Variants in PRR5L observed in about 807,000 individuals in gnomAD.
PRR5L encodes the protein proline-rich protein 5-like.
Under a neutral mutation model 36.4 loss-of-function variants are expected in PRR5L, and 21 were observed. The observed-to-expected ratio is 0.58, with a 90% CI of 0.41 to 0.83. PRR5L has a LOEUF of 0.83. PRR5L is among the 40% of genes least tolerant of loss of function. PRR5L has a pLI of 0.00. For synonymous variants in PRR5L, 188 were observed against 197.0 expected (o/e 0.95, Z 0.38); for missense variants, 381 against 473.3 (o/e 0.80, Z 1.81).
chr11:36,355,195 A>ACAG (rs1320053926), intron 1 of PRR5L, among the ~76,000 whole-genome samples: 1 of 152,236 alleles, frequency 6.6e-6, no homozygotes, highest in Non-Finnish European at 1.5e-5. Flanking sequence ...GATGTCCAAG[A>ACAG]CAGCAATGTT....
In PRR5L at chr11:36,446,292, C is replaced by A; in HGVS notation, c.445-8C>A. The A allele has an allele frequency of 6.2e-7, 1 of 1,613,124 alleles. No individual in the cohort carries two copies. The highest frequency in any genetic ancestry group is 1.3e-5 in the African/African-American group (1 of 75,044). ...ACCTCCCGGCCCTCTCTCCTCTGTC[C>A]CCTCTAGGGCCAGGAGCTGACTATC... On this transcript the variant is annotated splice_polypyrimidine_tract_variant and splice_region_variant and intron_variant, in intron 6 of 8. Transcript: ENST00000530639.
intron 4 of PRR5L, among the ~76,000 whole-genome samples, chr11:36,422,202 C>T (rs895598118): frequency 2.0e-5 from 3 of 152,168 alleles, no homozygotes; most frequent in Non-Finnish European, 2.9e-5. Flanking sequence ...ATTCACTTTA[C>T]AGAAGAAATC....
intron 8 of PRR5L, 148 bp from the exon 9 acceptor site, chr11:36,462,194 G>C (rs775258438): frequency 2.1e-4 from 145 of 696,150 alleles, no homozygotes; most frequent in Non-Finnish European, 1.2e-4. Flanking sequence ...GGTATCACCA[G>C]ATTCCTCCCT....
intron 1 of PRR5L, among the ~76,000 whole-genome samples, chr11:36,338,734 C>G (rs1308525918): frequency 6.6e-6 from 1 of 152,072 alleles, no homozygotes; most frequent in Non-Finnish European, 1.5e-5. Flanking sequence ...CCTATGAAAT[C>G]TGGTTTTTTT....
chr11:36,423,028 T>G (rs748759290), intron 4 of PRR5L, among the ~76,000 whole-genome samples: 43 of 152,252 alleles, frequency 2.8e-4, no homozygotes, highest in Non-Finnish European at 4.7e-4. Context: ...TCTGCTATTC[T>G]GTATCTACTG....
intron 4 of PRR5L, among the ~76,000 whole-genome samples, chr11:36,427,808 T>A (rs1429093240): frequency 1.3e-5 from 2 of 152,202 alleles, no homozygotes; most frequent in Non-Finnish European, 2.9e-5. Context: ...CCACCTCTAA[T>A]GTCAACACTG....
At chr11:36,420,333 G>A (rs1007327343) in intron 4 of PRR5L, among the ~76,000 whole-genome samples, 2 of 152,178 alleles carry the variant, frequency 1.3e-5, no homozygotes, top group Non-Finnish European at 2.9e-5. Flanking sequence ...TGTGTAGGGG[G>A]GCAGTATAGG....
intron 1 of PRR5L, among the ~76,000 whole-genome samples, chr11:36,399,704 A>T (rs768858712): frequency 1.4e-4 from 21 of 152,216 alleles, no homozygotes; most frequent in South Asian, 2.1e-4. Flanking sequence ...TGACTATGAG[A>T]TTCGTGGTGT....
At chr11:36,373,863 C>T (rs999977372) in intron 1 of PRR5L, among the ~76,000 whole-genome samples, 5 of 152,180 alleles carry the variant, frequency 3.3e-5, no homozygotes, top group African/African-American at 4.8e-5. Flanking sequence ...GTACAGCATA[C>T]GCTAAATAAG....
At chr11:36,368,004 G>A (rs1298560177) in intron 1 of PRR5L, among the ~76,000 whole-genome samples, 1 of 151,976 alleles carries the variant, frequency 6.6e-6, no homozygotes, top group East Asian at 1.9e-4. Context: ...GTGAAAGATG[G>A]GAGGTGGTGT....
At chr11:36,315,136 A>C (rs1017028562) in intron 1 of PRR5L, among the ~76,000 whole-genome samples, 3 of 152,218 alleles carry the variant, frequency 2.0e-5, no homozygotes, top group African/African-American at 7.2e-5. Context: ...GGCACTAGGA[A>C]CTTTTGCAAG....
At chr11:36,302,629 T>C (rs145598226) in intron 1 of PRR5L, among the ~76,000 whole-genome samples, 2 of 151,874 alleles carry the variant, frequency 1.3e-5, no homozygotes, top group African/African-American at 4.8e-5. Flanking sequence ...CTACTAAACA[T>C]ACAAAAAATT....
chr11:36,321,568 C>T (rs1411500742), intron 1 of PRR5L: 2 of 152,226 alleles, frequency 1.3e-5, no homozygotes, highest in African/African-American at 4.8e-5. Context: ...TGGCAGTGCC[C>T]ATACAGCATG....
At chr11:36,442,981 G>T (rs1022743074) in intron 6 of PRR5L, among the ~76,000 whole-genome samples, 1 of 151,794 alleles carries the variant, frequency 6.6e-6, no homozygotes, top group Admixed American at 6.6e-5. Context: ...ACACCTTCAG[G>T]TATCTTCATA....
chr11:36,360,813 C>G (rs1372186834), intron 1 of PRR5L, among the ~76,000 whole-genome samples: 1 of 152,218 alleles, frequency 6.6e-6, no homozygotes, highest in Non-Finnish European at 1.5e-5. Context: ...CATACATGCA[C>G]ACACTCCTAA....
chr11:36,373,013 T>G (rs1857213219), intron 1 of PRR5L, among the ~76,000 whole-genome samples: 1 of 150,592 alleles, frequency 6.6e-6, no homozygotes, highest in Non-Finnish European at 1.5e-5. Context: ...TGTGTTCACA[T>G]TCCTGAAATG....
At chr11:36,355,548 CTTTTTTTTTT>C (rs1041820581) in intron 1 of PRR5L, among the ~76,000 whole-genome samples, 2 of 127,058 alleles carry the variant, frequency 1.6e-5, no homozygotes, top group African/African-American at 6.0e-5. Context: ...CTTTGCTTTG[CTTTTTTTTTT>C]TTTTTTTTTG....
At chr11:36,395,801 A>G (rs1261679359) in intron 1 of PRR5L, among the ~76,000 whole-genome samples, 1 of 152,110 alleles carries the variant, frequency 6.6e-6, no homozygotes, top group Non-Finnish European at 1.5e-5. Flanking sequence ...AGCTCACTGT[A>G]ACCTTGAACT....
intron 3 of PRR5L, among the ~76,000 whole-genome samples, chr11:36,411,942 G>A (rs989887428): frequency 6.6e-6 from 1 of 152,188 alleles, no homozygotes; most frequent in African/African-American, 2.4e-5. Flanking sequence ...AGTCCTGGGT[G>A]AAATCATAGT....
Sources: allele counts gnomAD v4.1 joint callset (sites outside exome capture counted in the v4.1 genomes callset), GRCh38; gene constraint gnomAD v4.1.1; transcripts MANE v1.5; gene names NCBI Gene and HGNC (gene_info 2026-07-23, HGNC 2026-07-21).